Variants in SDK1 observed in about 807,000 individuals in gnomAD.
SDK1 encodes sidekick cell adhesion molecule 1.
SDK1 carries 157 observed loss-of-function variants against 245.5 expected under a neutral mutation model. The ratio of observed to expected loss-of-function variants is 0.64; its 90% CI spans 0.56 to 0.73. The LOEUF is 0.73. Ranked by LOEUF, SDK1 falls within the 30% of genes least tolerant of loss-of-function variation. The pLI is 0.00. For synonymous variants in SDK1, 1,647 were observed against 1,278.5 expected (o/e 1.29, Z -6.15); for missense variants, 3,583 against 3,002.3 (o/e 1.19, Z -4.52).
intron 4 of SDK1, among the ~76,000 whole-genome samples, chr7:3,795,528 T>C (rs1268594697): frequency 1.3e-5 from 2 of 152,154 alleles, no homozygotes; most frequent in African/African-American, 4.8e-5. Context: ...GCTAGGAGGA[T>C]TGGCTGCGCT....
At chr7:3,920,890 C>A (rs900857611) in intron 5 of SDK1, among the ~76,000 whole-genome samples, 2 of 152,158 alleles carry the variant, frequency 1.3e-5, no homozygotes, top group African/African-American at 4.8e-5. Context: ...TTGGTAACAA[C>A]TGGAGCCCCT....
At chr7:3,521,770 A>G (rs1031080184) in intron 1 of SDK1, among the ~76,000 whole-genome samples, 2 of 152,196 alleles carry the variant, frequency 1.3e-5, no homozygotes, top group Non-Finnish European at 2.9e-5. Flanking sequence ...CAGAGAGGCG[A>G]TATTAATTAG....
chr7:3,626,234 C>A (rs1322588035), intron 2 of SDK1, among the ~76,000 whole-genome samples: 1 of 152,128 alleles, frequency 6.6e-6, no homozygotes, highest in Admixed American at 6.5e-5. Context: ...GCCACCACTT[C>A]CAGACCGAAA....
intron 16 of SDK1, among the ~76,000 whole-genome samples, chr7:4,012,630 G>A (rs998437935): frequency 1.6e-5 from 2 of 125,436 alleles, no homozygotes; most frequent in East Asian, 4.9e-4. Flanking sequence ...CTGGAGTGCA[G>A]TGGCACAATC....
Position 4,145,763 on chromosome 7 carries a change from A to G in SDK1, c.4270A>G (p.Thr1424Ala). Residue 1424 changes from threonine (T) to alanine (A), a missense_variant, in exon 29 of 45, where the codon ACC becomes GCC. Physicochemically the swap from Thr to Ala is moderately conservative, Grantham distance 58. Transcript: ENST00000404826. ...AYRLASSSPH[T>A]FTTVEVGATV... ...CCGCCTGGCCAGCAGCAGCCCCCAC[A>G]CCTTCACCACCGTGGAGGTCGGCGC... 6.2e-7 allele frequency: 1 copy of G among 1,612,686 alleles called. No individual in the cohort carries two copies. Among genetic ancestry groups the G allele is most frequent in the Non-Finnish European group, 8.5e-7 (1 of 1,179,448 alleles).
intron 4 of SDK1, among the ~76,000 whole-genome samples, chr7:3,654,606 T>C (rs1375934951): frequency 6.6e-6 from 1 of 152,140 alleles, no homozygotes; most frequent in Non-Finnish European, 1.5e-5. Context: ...GTCTTCTCTT[T>C]TGGTGATGCT....
At chr7:4,058,715 A>G (rs541234255) in intron 19 of SDK1, among the ~76,000 whole-genome samples, 1 of 152,320 alleles carries the variant, frequency 6.6e-6, no homozygotes, top group South Asian at 2.1e-4. Flanking sequence ...CTGGGGAAAA[A>G]AATAACTTGT....
chr7:3,393,045 A>G (rs1222318425), intron 1 of SDK1, among the ~76,000 whole-genome samples: 2 of 134,446 alleles, frequency 1.5e-5, no homozygotes, highest in Non-Finnish European at 3.0e-5. Flanking sequence ...ATCTCAGCTC[A>G]CTGCAATCTC....
At chr7:3,467,817 G>C (rs549235981) in intron 1 of SDK1, among the ~76,000 whole-genome samples, 2 of 152,190 alleles carry the variant, frequency 1.3e-5, no homozygotes, top group African/African-American at 4.8e-5. Flanking sequence ...TGGAAATTTA[G>C]TCTTTTTCCC....
intron 1 of SDK1, among the ~76,000 whole-genome samples, chr7:3,589,392 GCA>G (rs1248720685): frequency 1.3e-5 from 2 of 152,172 alleles, no homozygotes; most frequent in Non-Finnish European, 2.9e-5. Context: ...TGATGTCAGT[GCA>G]CAGACTCTTC....
chr7:4,220,729 G>A (rs571240011), intron 39 of SDK1, among the ~76,000 whole-genome samples: 47 of 152,188 alleles, frequency 3.1e-4, no homozygotes, highest in African/African-American at 1.1e-3. Flanking sequence ...AGTGTGGGGT[G>A]CCCTGCACCT....
intron 4 of SDK1, among the ~76,000 whole-genome samples, chr7:3,720,905 T>G (rs1785348129): frequency 6.6e-6 from 1 of 152,150 alleles, no homozygotes; most frequent in Admixed American, 6.5e-5. Context: ...CCATCACACA[T>G]CGCTCATAAT....
chr7:3,883,811 A>G (rs372780973), intron 5 of SDK1, among the ~76,000 whole-genome samples: 2 of 150,062 alleles, frequency 1.3e-5, no homozygotes, highest in African/African-American at 2.5e-5. Flanking sequence ...TAGTCTCATC[A>G]TTTTGGCCTA....
intron 5 of SDK1, among the ~76,000 whole-genome samples, chr7:3,939,213 C>T (rs1780269863): frequency 6.6e-6 from 1 of 152,200 alleles, no homozygotes; most frequent in African/African-American, 2.4e-5. Flanking sequence ...TGTGAGGGGG[C>T]CTGCCCTGTC....
At chr7:4,242,047 T>G (rs1786558491) in intron 43 of SDK1, 134 bp downstream of exon 43, 3 of 1,055,980 alleles carry the variant, frequency 2.8e-6, no homozygotes, top group South Asian at 3.2e-5. Context: ...CACCGCCAAG[T>G]GCGCTCCCAA....
chr7:4,145,922 A>T lies in SDK1; in HGVS notation c.4423+6A>T. On this transcript the variant is annotated splice_donor_region_variant and intron_variant, in intron 29 of 44. Coordinates refer to ENST00000404826, the MANE Select transcript of SDK1 (RefSeq NM_152744.4). Reference sequence around the variant, plus strand: ...CATCACCACCGAGAAGAGAGGTAAGACCTTGGGGGACCCGGGGGTACTGCA... The same window carrying T: ...CATCACCACCGAGAAGAGAGGTAAGTCCTTGGGGGACCCGGGGGTACTGCA... 6.3e-7 allele frequency: 1 copy of T among 1,592,860 alleles called. No homozygotes were observed. The highest frequency in any genetic ancestry group is 8.5e-7 in the Non-Finnish European group (1 of 1,169,984).
rs896518455 is a variant in SDK1, at chr7:3,908,505, T to G, written c.848-42418T>G. Reference sequence around the variant, plus strand: ...CAGGATTGCTGGGTCATTTGGAAACTGCATAGAGATTCATAGGCAGCTTCC... The same window carrying G: ...CAGGATTGCTGGGTCATTTGGAAACGGCATAGAGATTCATAGGCAGCTTCC... On this transcript the variant is annotated intron_variant, in intron 5 of 44. Coordinates refer to ENST00000404826, the MANE Select transcript of SDK1 (RefSeq NM_152744.4). 2.3e-4 allele frequency among the ~76,000 whole-genome samples: 35 copies of G among 152,190 alleles called. 1 individual carries two copies. Among genetic ancestry groups the G allele is most frequent in the African/African-American group, 8.2e-4 (34 of 41,456 alleles).
At chr7:3,542,938 A>C (rs1779099269) in intron 1 of SDK1, among the ~76,000 whole-genome samples, 1 of 152,206 alleles carries the variant, frequency 6.6e-6, no homozygotes, top group South Asian at 2.1e-4. Flanking sequence ...GACCATACTG[A>C]AGGCTTCCTT....
chr7:3,771,953 T>G (rs1032910292), intron 4 of SDK1, among the ~76,000 whole-genome samples: 1 of 152,206 alleles, frequency 6.6e-6, no homozygotes, highest in South Asian at 2.1e-4. Flanking sequence ...ACCCTTCTAC[T>G]TTTTGTCTTA....
Sources: allele counts gnomAD v4.1 joint callset (sites outside exome capture counted in the v4.1 genomes callset), GRCh38; gene constraint gnomAD v4.1.1; transcripts MANE v1.5; gene names NCBI Gene and HGNC (gene_info 2026-07-23, HGNC 2026-07-21).